The following SCML4 variants were observed in gnomAD, a reference collection of about 807,000 sequenced individuals.
SCML4 encodes Scm polycomb group protein like 4, also known as sex comb on midleg-like protein 4.
Under a neutral mutation model 41.1 loss-of-function variants are expected in SCML4, and 34 were observed. The observed-to-expected ratio is 0.83, with a 90% confidence interval of 0.63 to 1.10. The LOEUF (loss-of-function observed/expected upper bound fraction) is 1.10, where lower values mean the gene tolerates loss of function less well. Among genes scored for constraint, SCML4 ranks in the 50% least tolerant of loss-of-function variants. SCML4 has a pLI of 0.00. For synonymous variants in SCML4, 214 were observed against 220.9 expected, an observed-to-expected ratio of 0.97 and a Z score of 0.28; for missense variants, 522 against 534.1, an observed-to-expected ratio of 0.98 and a Z score of 0.22.
chr6:107,828,091 T>C (rs1785310337), upstream of SCML4, among the ~76,000 whole-genome samples: 1 of 152,218 alleles, frequency 6.6e-6, no homozygotes, highest in African/African-American at 2.4e-5. Flanking sequence ...TATGATACCA[T>C]TCCCATCTTA....
At chr6:107,721,750 A>G (rs1023134816) in intron 5 of SCML4, among the ~76,000 whole-genome samples, 3 of 152,158 alleles carry the variant, frequency 2.0e-5, no homozygotes, top group Admixed American at 6.5e-5. Context: ...CCCAGGTGCC[A>G]CAGTGCTTTC....
intron 1 of SCML4, among the ~76,000 whole-genome samples, chr6:107,800,490 C>G (rs905488419): frequency 6.6e-6 from 1 of 152,142 alleles, no homozygotes; most frequent in Non-Finnish European, 1.5e-5. Flanking sequence ...TCCCAGGATG[C>G]AAAAACCAGA....
intron 5 of SCML4, among the ~76,000 whole-genome samples, chr6:107,730,171 G>T (rs551609739): frequency 4.5e-4 from 69 of 152,280 alleles, no homozygotes; most frequent in African/African-American, 1.5e-3. Context: ...TCAGTAAAAA[G>T]AAAGGACCAA....
At chr6:107,825,007 G>A (rs571980711), upstream of SCML4, among the ~76,000 whole-genome samples, 1 of 152,326 alleles carries the variant, frequency 6.6e-6, no homozygotes, top group East Asian at 1.9e-4. Flanking sequence ...GTATGTGTGT[G>A]TGTGTAAGCA....
chr6:107,751,594 C>CTTTCTTTCTTTCTTTCTTTA (rs1562218670), intron 2 of SCML4, among the ~76,000 whole-genome samples: 2 of 136,158 alleles, frequency 1.5e-5, no homozygotes, highest in African/African-American at 2.8e-5. Context: ...TTCTTTCTTT[C>CTTTCTTTCTTTCTTTCTTTA]TTTCTTTCTT....
At chr6:107,740,339 A>G (rs540400394) in intron 5 of SCML4, among the ~76,000 whole-genome samples, 1 of 152,230 alleles carries the variant, frequency 6.6e-6, no homozygotes, top group Admixed American at 6.5e-5. Flanking sequence ...ACGAGGTTGT[A>G]GAGGCGGAGA....
At chr6:107,833,240 T>G in the SCML4 span, among the ~76,000 whole-genome samples, 1 of 152,170 alleles carries the variant, frequency 6.6e-6, no homozygotes, top group Non-Finnish European at 1.5e-5. Flanking sequence ...TGTTTAAGAT[T>G]GAATAACTTA....
chr6:107,756,190 G>A (rs749503582), intron 2 of SCML4, among the ~76,000 whole-genome samples: 1 of 152,140 alleles, frequency 6.6e-6, no homozygotes, highest in Non-Finnish European at 1.5e-5. Flanking sequence ...TACTTCCAAA[G>A]AGTACAGTAA....
intron 1 of SCML4, among the ~76,000 whole-genome samples, chr6:107,795,872 C>T (rs891501645): frequency 6.6e-6 from 1 of 152,178 alleles, no homozygotes; most frequent in Non-Finnish European, 1.5e-5. Flanking sequence ...ACTCTTCCAA[C>T]GGCAGATACT....
chr6:107,790,523 G>T (rs1782245062), intron 1 of SCML4, among the ~76,000 whole-genome samples: 1 of 152,140 alleles, frequency 6.6e-6, no homozygotes. Context: ...CCTTCGCAAA[G>T]GTCTCCTGGG....
chr6:107,822,675 C>A (rs184481052), intron 1 of SCML4, among the ~76,000 whole-genome samples: 6 of 151,990 alleles, frequency 3.9e-5, no homozygotes, highest in African/African-American at 1.5e-4. Flanking sequence ...AGCTCATCTA[C>A]GTACACAATT....
chr6:107,797,941 A>C (rs943790004), intron 1 of SCML4, among the ~76,000 whole-genome samples: 2 of 152,044 alleles, frequency 1.3e-5, no homozygotes, highest in Non-Finnish European at 2.9e-5. Context: ...TTAGAATGCT[A>C]AACAAGCTTG....
intron 1 of SCML4, among the ~76,000 whole-genome samples, chr6:107,800,645 G>T (rs1020086348): frequency 1.3e-4 from 20 of 152,180 alleles, no homozygotes; most frequent in African/African-American, 4.3e-4. Context: ...TGCCACTTAA[G>T]AATTTATTGC....
chr6:107,759,173 A>G (rs1485552638), intron 2 of SCML4, among the ~76,000 whole-genome samples: 1 of 150,406 alleles, frequency 6.6e-6, no homozygotes, highest in Non-Finnish European at 1.5e-5. Flanking sequence ...AAAACAAAAC[A>G]AAAAAAAACT....
chr6:107,728,070 T>C (rs1776171434), intron 5 of SCML4, among the ~76,000 whole-genome samples: 2 of 152,238 alleles, frequency 1.3e-5, no homozygotes, highest in South Asian at 4.1e-4. Context: ...AGCTTATATA[T>C]AAATTCTTTA....
At chr6:107,711,404 C>T (rs1774200834) in intron 6 of SCML4, among the ~76,000 whole-genome samples, 1 of 152,160 alleles carries the variant, frequency 6.6e-6, no homozygotes, top group Admixed American at 6.5e-5. Context: ...ATTTGTGTTG[C>T]AATTTTCTCC....
At chr6:107,804,446 G>A (rs1562276146) in intron 1 of SCML4, among the ~76,000 whole-genome samples, 1 of 152,120 alleles carries the variant, frequency 6.6e-6, no homozygotes, top group East Asian at 1.9e-4. Context: ...GTGCCCAAAG[G>A]AGAGTCTGGA....
chr6:107,809,842 A>T (rs1446987521), intron 1 of SCML4, among the ~76,000 whole-genome samples: 3 of 151,956 alleles, frequency 2.0e-5, no homozygotes, highest in Non-Finnish European at 4.4e-5. Context: ...TCACATAATT[A>T]TGCACCTCTC....
chr6:107,829,500 C>A, the SCML4 span, among the ~76,000 whole-genome samples: 1 of 151,980 alleles, frequency 6.6e-6, no homozygotes, highest in Non-Finnish European at 1.5e-5. Flanking sequence ...TTGTGATAAT[C>A]AAAATTGGTG....
Sources: allele counts gnomAD v4.1 joint callset (sites outside exome capture counted in the v4.1 genomes callset), GRCh38; gene constraint gnomAD v4.1.1; transcripts MANE v1.5; gene names NCBI Gene and HGNC (gene_info 2026-07-23, HGNC 2026-07-21).